The following ECPAS variants were observed in gnomAD, a reference collection of about 807,000 sequenced individuals.
ECPAS encodes the protein Ecm29 proteasome adaptor and scaffold, also known as proteasome adapter and scaffold protein ECM29.
In ECPAS, 70 loss-of-function variants were observed where a neutral mutation model predicts 255.1. The observed-to-expected ratio is 0.27, with a 90% CI of 0.23 to 0.33. ECPAS has a LOEUF of 0.33. Ranked by LOEUF, ECPAS falls within the 10% of genes least tolerant of loss-of-function variation. ECPAS has a pLI of 1.00. For missense variants in ECPAS, 1,817 were observed against 2,206.4 expected, an observed-to-expected ratio of 0.82 and a Z score of 3.54; for synonymous variants, 784 against 775.0, an observed-to-expected ratio of 1.01 and a Z score of -0.19.
intron 20 of ECPAS, 35 bp downstream of exon 20, chr9:111,413,860 A>G (rs776042836): frequency 7.6e-7 from 1 of 1,319,138 alleles, no homozygotes; most frequent in South Asian, 1.4e-5. Flanking sequence ...TCTGAAATAG[A>G]ATTTTTTTTA....
intron 8 of ECPAS, among the ~76,000 whole-genome samples, 184 bp from the exon 9 acceptor site, chr9:111,430,812 T>C (rs2098228706): frequency 6.6e-6 from 1 of 152,202 alleles, no homozygotes; most frequent in Non-Finnish European, 1.5e-5. Flanking sequence ...AAGTATGTTT[T>C]TAAACCAAAA....
chr9:111,432,596 A>C (rs1389668863), intron 8 of ECPAS, among the ~76,000 whole-genome samples: 1 of 152,268 alleles, frequency 6.6e-6, no homozygotes, highest in East Asian at 1.9e-4. Context: ...CCTGGGCAAC[A>C]GAGAGAGACC....
At chr9:111,478,094 T>G (rs2098298770) in intron 1 of ECPAS, among the ~76,000 whole-genome samples, 1 of 150,168 alleles carries the variant, frequency 6.7e-6, no homozygotes. Flanking sequence ...AGTAACAGGG[T>G]TTCACCATGT....
intron 17 of ECPAS, among the ~76,000 whole-genome samples, chr9:111,417,567 G>C (rs1281769657): frequency 6.6e-6 from 1 of 152,046 alleles, no homozygotes; most frequent in Non-Finnish European, 1.5e-5. Context: ...CCAACATGGT[G>C]AAACACTGTT....
At chr9:111,441,222 G>A (rs893136776) in intron 5 of ECPAS, among the ~76,000 whole-genome samples, 2 of 150,690 alleles carry the variant, frequency 1.3e-5, no homozygotes, top group African/African-American at 2.4e-5. Context: ...AATTATTTTC[G>A]GTCAGGCACA....
chr9:111,482,310 TC>T (rs1291088670), intron 1 of ECPAS, among the ~76,000 whole-genome samples: 2 of 152,178 alleles, frequency 1.3e-5, no homozygotes, highest in Non-Finnish European at 2.9e-5. Flanking sequence ...CAAACAGTAC[TC>T]CTGCTCCACC....
At chr9:111,451,861 T>C (rs1686190611) in intron 2 of ECPAS, among the ~76,000 whole-genome samples, 1 of 152,242 alleles carries the variant, frequency 6.6e-6, no homozygotes, top group Non-Finnish European at 1.5e-5. Flanking sequence ...AGGCATCTTC[T>C]GGAACTAGTT....
At chr9:111,400,766 C>T (rs930772241) in intron 24 of ECPAS, among the ~76,000 whole-genome samples, 1 of 152,118 alleles carries the variant, frequency 6.6e-6, no homozygotes, top group Non-Finnish European at 1.5e-5. Context: ...GATACACTTA[C>T]AAGATCTGGA....
At chr9:111,416,132 A>G (rs2098203136) in intron 18 of ECPAS, 140 bp downstream of exon 18, 2 of 576,356 alleles carry the variant, frequency 3.5e-6, no homozygotes, top group Non-Finnish European at 6.2e-6. Flanking sequence ...TTTTTTTTAA[A>G]TAAACAACCC....
intron 36 of ECPAS, among the ~76,000 whole-genome samples, chr9:111,377,207 T>C (rs953157584): frequency 2.0e-5 from 3 of 152,060 alleles, no homozygotes; most frequent in Non-Finnish European, 4.4e-5. Context: ...AGAGAGTAAG[T>C]TATTAGAGAA....
rs2098112770 is a variant in ECPAS at position 111,361,028 on chromosome 9, T to C, written c.*1002A>G. The C allele has an allele frequency of 6.6e-6, 1 of 152,224 alleles. No homozygotes were observed. Among genetic ancestry groups the C allele is most frequent in the Admixed American group, 6.5e-5 (1 of 15,278 alleles). 9.4% of individuals were successfully genotyped at this position (152,224 alleles called of 1,614,324 possible). On this transcript the variant is annotated 3_prime_UTR_variant, in exon 50 of 50. Coordinates refer to ENST00000684092, the MANE Select transcript of ECPAS (RefSeq NM_001364929.1). ...TGATTTACTTGGAGTGGTATCATGTTCTTTTGAGAAAAGGCATTTTTTAAA... is the reference window on the plus strand; with the variant it reads ...TGATTTACTTGGAGTGGTATCATGTCCTTTTGAGAAAAGGCATTTTTTAAA...
At chr9:111,448,459 C>A (rs765599487) in intron 3 of ECPAS, among the ~76,000 whole-genome samples, 1 of 151,998 alleles carries the variant, frequency 6.6e-6, no homozygotes, top group African/African-American at 2.4e-5. Flanking sequence ...TTAATAAAGA[C>A]AAGATGTTAA....
chr9:111,471,785 G>A (rs536707464), intron 2 of ECPAS, among the ~76,000 whole-genome samples: 75 of 152,282 alleles, frequency 4.9e-4, no homozygotes, highest in Non-Finnish European at 9.1e-4. Flanking sequence ...CCATGAAGAT[G>A]CCTCCTTCAT....
In ECPAS at chr9:111,458,118, T is replaced by C. The variant is rs117678965; in HGVS notation, c.23-6563A>G. On this transcript the variant is annotated intron_variant, in intron 2 of 49. Transcript: ENST00000684092. Reference sequence around the variant, plus strand: ...TTATTTATAAACTATACATTATTAATATAGACTTGTGAAAGCCCAACTAAT... The same window carrying C: ...TTATTTATAAACTATACATTATTAACATAGACTTGTGAAAGCCCAACTAAT... Among the ~76,000 whole-genome samples the C allele has an allele frequency of 2.9e-3, 446 of 152,310 alleles. 1 individual carries two copies. Among genetic ancestry groups the C allele is most frequent in the Admixed American group, 4.5e-3 (69 of 15,300 alleles).
chr9:111,430,680 G>C, intron 8 of ECPAS, 52 bp from the exon 9 acceptor site: 1 of 1,229,802 alleles, frequency 8.1e-7, no homozygotes, highest in Non-Finnish European at 1.2e-6. Flanking sequence ...CCCTCCTTCA[G>C]TGATTTCAAA....
In ECPAS at chr9:111,371,731, T is replaced by C. The variant is rs1294909647; in HGVS notation, c.4627A>G (p.Ile1543Val). The C allele has an allele frequency of 3.7e-6, 6 of 1,613,748 alleles. No homozygotes were observed. In the Admixed American group the frequency reaches 5.0e-5, roughly 13 times the overall value. ...TGTTTTGCAATTGATGCCATGGCAA[T>C]TGCACCCTGGGCTTTCATTTTCCAG... The part of the protein sequence containing the change: ...QSWKMKAQGA[I>V]AMASIAKQTS... The change falls in exon 43 of 50, where the codon ATT (isoleucine) becomes GTT (valine). Residue 1543 changes from isoleucine (I) to valine (V), a missense_variant. Ile to Val is a conservative substitution (Grantham distance 29, BLOSUM62 3). Around this residue, in one of 4 missense-constraint regions of ECPAS, gnomAD observed 960 missense variants for 1,179.0 expected, o/e 0.81. Coordinates refer to ENST00000684092, the MANE Select transcript of ECPAS (RefSeq NM_001364929.1).
chr9:111,434,183 G>A (rs1008069680), intron 7 of ECPAS, among the ~76,000 whole-genome samples: 1 of 152,014 alleles, frequency 6.6e-6, no homozygotes, highest in Non-Finnish European at 1.5e-5. Context: ...AAGCATAACA[G>A]ATCAAAAAAG....
At chr9:111,419,015 A>G (rs1564531955) in intron 16 of ECPAS, among the ~76,000 whole-genome samples, 1 of 152,206 alleles carries the variant, frequency 6.6e-6, no homozygotes, top group Non-Finnish European at 1.5e-5. Flanking sequence ...TGTCCAATTA[A>G]AATACCAACC....
chr9:111,481,299 G>A (rs1285300247), intron 1 of ECPAS, among the ~76,000 whole-genome samples: 2 of 152,074 alleles, frequency 1.3e-5, no homozygotes, highest in Non-Finnish European at 2.9e-5. Flanking sequence ...AAGGTCAGGA[G>A]ATCAAGACCA....
Sources: gnomAD v4.1 joint callset for allele counts (sites outside exome capture counted in the v4.1 genomes callset) on GRCh38, gnomAD v4.1.1 for gene constraint, gnomAD v4.1.1 regional missense constraint, MANE v1.5 for transcripts, NCBI Gene and HGNC (gene_info 2026-07-23, HGNC 2026-07-21) for gene names.